PAX9: variants seen among roughly 807,000 people sequenced by gnomAD.
PAX9 encodes the protein paired box protein Pax-9.
In PAX9, 6 loss-of-function variants were observed where a neutral mutation model predicts 29.1. The observed-to-expected ratio is 0.21, with a 90% confidence interval of 0.11 to 0.41. The LOEUF (loss-of-function observed/expected upper bound fraction) is 0.41, where lower values mean the gene tolerates loss of function less well. Ranked by LOEUF, PAX9 falls within the 10% of genes least tolerant of loss-of-function variation. The pLI is 1.00. For missense variants in PAX9, 443 were observed against 479.1 expected (o/e 0.92, Z 0.70); for synonymous variants, 217 against 211.7 (o/e 1.03, Z -0.22).
chr14:36,662,032 G>T lies in PAX9; in HGVS notation c.-58G>T. The stretch of plus-strand genomic sequence containing the variant: ...ACAGGCCGGGCCACTGAGGCGGTGC[G>T]GAAAGTTTCTGTCTGGGAGTGCGGA... On this transcript the variant is annotated 5_prime_UTR_variant, in exon 1 of 4. Coordinates refer to ENST00000361487, the MANE Select transcript of PAX9 (RefSeq NM_001372076.1). The T allele has an allele frequency of 2.6e-6, 4 of 1,555,490 alleles. No homozygotes were observed. Among genetic ancestry groups the T allele is most frequent in the Non-Finnish European group, 2.6e-6 (3 of 1,150,156 alleles).
chr14:36,676,411 G>T lies in PAX9; in HGVS notation c.985G>T (p.Ala329Ser). ...GCTGGCGTTCAAGGGAATGCAGGCAGCCAGAGAAGGTAGTCATTCTGTCAC... is the reference window on the plus strand; with the variant it reads ...GCTGGCGTTCAAGGGAATGCAGGCATCCAGAGAAGGTAGTCATTCTGTCAC... Reference protein sequence around the residue: ...ASLAFKGMQAAREGSHSVTAS... With the variant: ...ASLAFKGMQASREGSHSVTAS... The change falls in exon 4 of 4, where the codon GCC becomes TCC. Residue 329 changes from alanine (A) to serine (S), a missense_variant. Ala to Ser is a moderately conservative substitution (Grantham distance 99, BLOSUM62 1). Around this residue, in one of 2 missense-constraint regions of PAX9, gnomAD observed 336 missense variants for 317.2 expected, o/e 1.06. Transcript: ENST00000361487. The T allele has an allele frequency of 6.2e-7, 1 of 1,614,048 alleles. No individual in the cohort carries two copies. The highest frequency in any genetic ancestry group is 8.5e-7 in the Non-Finnish European group (1 of 1,180,022).
upstream of PAX9, among the ~76,000 whole-genome samples, chr14:36,660,052 G>C (rs957899022): frequency 2.0e-5 from 3 of 152,140 alleles, no homozygotes; most frequent in Non-Finnish European, 2.9e-5. Context: ...TGTCTGTGAG[G>C]GGGGAGGAGG....
Position 36,679,197 on chromosome 14 carries a change from GTTTTGT to G in PAX9, c.*2750_*2755del. ...CTTATTTCTTTTTTTTCACAATTTTGTTTTGTTTTTAATGACCCTTTTATTGAATAT... is the reference window on the plus strand; with the variant it reads ...CTTATTTCTTTTTTTTCACAATTTTGTTTTAATGACCCTTTTATTGAATAT... On this transcript the variant is annotated 3_prime_UTR_variant, in exon 4 of 4. Coordinates refer to ENST00000361487, the MANE Select transcript of PAX9 (RefSeq NM_001372076.1). 1.2e-5 allele frequency: 12 copies of G among 984,550 alleles called. No individual in the cohort carries two copies. The highest frequency in any genetic ancestry group is 1.4e-5 in the Non-Finnish European group (12 of 829,338). 61.0% of individuals were successfully genotyped at this position (984,550 alleles called of 1,614,324 possible). A position where few individuals can be genotyped will look rare whatever the true frequency, so the allele number is the denominator to read the frequency against.
Position 36,663,355 on chromosome 14 carries a change from C to G in PAX9, c.463C>G (p.Pro155Ala), listed in dbSNP as rs747994128. ...CCAGCCGACGCCGCAGCCAGCGCTG[C>G]CCTACAACCACATCTACTCGTACCC... Reference protein sequence around the residue: ...QHQPTPQPALPYNHIYSYPSP... With the variant: ...QHQPTPQPALAYNHIYSYPSP... Residue 155 changes from proline to alanine, a missense_variant, in exon 2 of 4, where the codon CCC (proline) becomes GCC (alanine). Transcript: ENST00000361487. 2.5e-6 allele frequency: 4 copies of G among 1,614,108 alleles called. No individual in the cohort carries two copies. Among genetic ancestry groups the G allele is most frequent in the Non-Finnish European group, 3.4e-6 (4 of 1,180,042 alleles).
chr14:36,673,273 T>C (rs1022126611), intron 3 of PAX9, among the ~76,000 whole-genome samples: 6 of 152,158 alleles, frequency 3.9e-5, no homozygotes, highest in Admixed American at 3.3e-4. Flanking sequence ...ATAAATATTG[T>C]GGATTTAAGA....
chr14:36,674,699 G>T (rs1881818884), intron 3 of PAX9, among the ~76,000 whole-genome samples: 1 of 151,882 alleles, frequency 6.6e-6, no homozygotes, highest in South Asian at 2.1e-4. Context: ...ATATTTCTTG[G>T]TGCCTGGGAC....
Position 36,678,621 on chromosome 14 carries a change from T to C in PAX9, c.*2169T>C, listed in dbSNP as rs1379900206. The C allele has an allele frequency of 7.6e-6, 10 of 1,317,506 alleles. No homozygotes were observed. In the Admixed American group the frequency reaches 2.0e-4, roughly 26 times the overall value. 81.6% of individuals were successfully genotyped at this position (1,317,506 alleles called of 1,614,324 possible). On this transcript the variant is annotated 3_prime_UTR_variant, in exon 4 of 4. Coordinates refer to ENST00000361487, the MANE Select transcript of PAX9 (RefSeq NM_001372076.1). ...TGATGTAAGGTACAGAACTATTCTT[T>C]ATCAAATGTTTTTAGGTGGCTGTTA...
chr14:36,674,324 T>C (rs1881804629), intron 3 of PAX9, among the ~76,000 whole-genome samples: 1 of 152,386 alleles, frequency 6.6e-6, no homozygotes, highest in South Asian at 2.1e-4. Context: ...CATCTATCTT[T>C]TAAGTGTTCA....
rs1476400703 is a variant in PAX9 at position 36,679,068 on chromosome 14, A to AG, written c.*2618dup. ...CCTTTTCTATCTGATCCACATGGAG[A>AG]GGTTAAAGGTTCAATTTCATGACCT... is the stretch of plus-strand genomic sequence containing the variant. On this transcript the variant is annotated 3_prime_UTR_variant, in exon 4 of 4. Transcript: ENST00000361487. 53 of 985,276 alleles carry AG rather than the reference A, an allele frequency of 5.4e-5. No homozygotes were observed. Among genetic ancestry groups the AG allele is most frequent in the Non-Finnish European group, 6.4e-5 (53 of 829,934 alleles). 61.0% of individuals were successfully genotyped at this position (985,276 alleles called of 1,614,324 possible).
intron 3 of PAX9, among the ~76,000 whole-genome samples, chr14:36,666,832 C>A (rs916692897): frequency 6.6e-5 from 10 of 152,210 alleles, no homozygotes; most frequent in Non-Finnish European, 1.5e-4. Context: ...CTCGTCAGGG[C>A]GCTGGGGGTC....
At position 36,663,439 on chromosome 14, in the gene PAX9, C is replaced by G; in HGVS notation, c.547C>G (p.Pro183Ala). 6.2e-7 allele frequency: 1 copy of G among 1,613,042 alleles called. No homozygotes were observed. Among genetic ancestry groups the G allele is most frequent in the Non-Finnish European group, 8.5e-7 (1 of 1,179,746 alleles). Reference sequence around the variant, plus strand: ...CACGCCACCCGGGGTGCCTGCCATCCCCGGTTCGGTGGCCATGCCGCGCAC... The same window carrying G: ...CACGCCACCCGGGGTGCCTGCCATCGCCGGTTCGGTGGCCATGCCGCGCAC... ...VPTPPGVPAI[P>A]GSVAMPRTWP... The change falls in exon 2 of 4, where the codon CCC becomes GCC. Residue 183 changes from proline to alanine, a missense_variant. Transcript: ENST00000361487.
chr14:36,676,188 C>T lies in PAX9; in HGVS notation c.772-10C>T. 1 of 1,613,950 alleles carries T rather than the reference C, an allele frequency of 6.2e-7. No individual in the cohort carries two copies. The highest frequency in any genetic ancestry group is 1.6e-4 in the Middle Eastern group (1 of 6,062). The stretch of plus-strand genomic sequence containing the variant: ...GTGATTATTTTTCACTTCTTTTCTA[C>T]TCCTCTCAGGCACCAAATGGTCTCC... On this transcript the variant is annotated splice_polypyrimidine_tract_variant and intron_variant, in intron 3 of 3. Transcript: ENST00000361487.
chr14:36,657,866 AGC>A (rs1450599614), upstream of PAX9: 2 of 152,236 alleles, frequency 1.3e-5, no homozygotes, highest in African/African-American at 4.8e-5. Context: ...TCCTTGGGCT[AGC>A]GCGTCCGCAG....
At position 36,661,872 on chromosome 14, in the gene PAX9, G is replaced by T. The variant is rs533579629; in HGVS notation, c.-218G>T. The T allele has an allele frequency of 4.4e-5, 28 of 638,788 alleles. No homozygotes were observed. Among genetic ancestry groups the T allele is most frequent in the Middle Eastern group, 4.2e-4 (1 of 2,368 alleles). 39.6% of individuals were successfully genotyped at this position (638,788 alleles called of 1,614,324 possible). On this transcript the variant is annotated 5_prime_UTR_variant, in exon 1 of 4. Coordinates refer to ENST00000361487, the MANE Select transcript of PAX9 (RefSeq NM_001372076.1). ...CCCTGCCCTGCTCAGCCCAGCCCAC[G>T]TTGCTGCTTAGATTGAAATGCAGAA...
At position 36,678,692 on chromosome 14, in the gene PAX9, T is replaced by C. The variant is rs1882028137; in HGVS notation, c.*2240T>C. On this transcript the variant is annotated 3_prime_UTR_variant, in exon 4 of 4. Transcript: ENST00000361487. Reference sequence around the variant, plus strand: ...CTTGCTTGTGTGGAAATGCAAATAATGTTATTTTCTTTATCTAAATTAAGA... The same window carrying C: ...CTTGCTTGTGTGGAAATGCAAATAACGTTATTTTCTTTATCTAAATTAAGA... 1.6e-6 allele frequency: 2 copies of C among 1,246,122 alleles called. No homozygotes were observed. The highest frequency in any genetic ancestry group is 3.6e-5 in the South Asian group (1 of 28,024). The allele number at this position is 1,246,122 out of a possible 1,614,324, so 77.2% of individuals were successfully genotyped here.
intron 2 of PAX9, among the ~76,000 whole-genome samples, chr14:36,664,353 T>G (rs1472512596): frequency 6.9e-6 from 1 of 144,066 alleles, no homozygotes; most frequent in Non-Finnish European, 1.6e-5. Context: ...CCACTTTCCT[T>G]TGGGGTCCCC....
chr14:36,662,938 G>A lies in PAX9; in HGVS notation c.46G>A (p.Val16Met). 2 of 1,613,084 alleles carry A rather than the reference G, an allele frequency of 1.2e-6. No individual in the cohort carries two copies. The highest frequency in any genetic ancestry group is 1.7e-4 in the Middle Eastern group (1 of 6,060). Residue 16 changes from valine to methionine, a missense_variant, in exon 2 of 4, where the codon GTG (valine) becomes ATG (methionine). Coordinates refer to ENST00000361487, the MANE Select transcript of PAX9 (RefSeq NM_001372076.1). ...GEVNQLGGVF[V>M]NGRPLPNAIR... ...GGTGAACCAGCTGGGAGGAGTGTTCGTGAACGGGAGGCCGCTGCCCAACGC... is the reference window on the plus strand; with the variant it reads ...GGTGAACCAGCTGGGAGGAGTGTTCATGAACGGGAGGCCGCTGCCCAACGC...
At chr14:36,664,555 T>G (rs1881416976) in intron 2 of PAX9, among the ~76,000 whole-genome samples, 3 of 144,332 alleles carry the variant, frequency 2.1e-5, no homozygotes, top group African/African-American at 7.7e-5. Flanking sequence ...CTGAGTTTGT[T>G]TTCTTTTACT....
At chr14:36,674,313 G>A (rs150015027) in intron 3 of PAX9, among the ~76,000 whole-genome samples, 1 of 152,172 alleles carries the variant, frequency 6.6e-6, no homozygotes, top group South Asian at 2.1e-4. Context: ...AAATTAAATT[G>A]CATCTATCTT....
Sources: gnomAD v4.1 joint callset for allele counts (sites outside exome capture counted in the v4.1 genomes callset) on GRCh38, gnomAD v4.1.1 for gene constraint, gnomAD v4.1.1 regional missense constraint, MANE v1.5 for transcripts, NCBI Gene and HGNC (gene_info 2026-07-23, HGNC 2026-07-21) for gene names.